The following AGBL4 variants were observed in gnomAD, a reference collection of about 807,000 sequenced individuals.
The protein encoded by AGBL4 is AGBL carboxypeptidase 4.
A neutral mutation model predicts 66.4 loss-of-function variants in AGBL4; 58 were observed. The observed-to-expected ratio is 0.87, with a 90% CI of 0.71 to 1.09. The LOEUF is 1.09. Among genes scored for constraint, AGBL4 ranks in the 50% least tolerant of loss-of-function variants. The pLI is 0.00. For missense variants in AGBL4, 579 were observed against 631.0 expected (o/e 0.92, Z 0.88); for synonymous variants, 234 against 222.9 (o/e 1.05, Z -0.44).
At chr1:49,920,636 C>G (rs11205663) in intron 1 of AGBL4, among the ~76,000 whole-genome samples, 3,190 of 152,102 alleles carry the variant, frequency 0.021, 119 homozygotes, top group African/African-American at 0.071. Flanking sequence ...CTTTTACACT[C>G]TTGGTGGGAC....
At chr1:48,670,679 G>A (rs1294901112) in intron 6 of AGBL4, among the ~76,000 whole-genome samples, 1 of 152,204 alleles carries the variant, frequency 6.6e-6, no homozygotes, top group Non-Finnish European at 1.5e-5. Flanking sequence ...GCCTTCCAGG[G>A]CAGGCTAATG....
At chr1:49,461,718 T>A (rs1321847450) in intron 3 of AGBL4, among the ~76,000 whole-genome samples, 1 of 147,644 alleles carries the variant, frequency 6.8e-6, no homozygotes, top group Non-Finnish European at 1.5e-5. Context: ...GAACATGCGG[T>A]GTTTGGTTTT....
chr1:49,658,243 A>G (rs1183707032), intron 3 of AGBL4, among the ~76,000 whole-genome samples: 1 of 152,234 alleles, frequency 6.6e-6, no homozygotes, highest in Non-Finnish European at 1.5e-5. Flanking sequence ...TGCAGCCAAC[A>G]GACACATGAA....
intron 6 of AGBL4, among the ~76,000 whole-genome samples, chr1:48,848,562 A>G (rs781682255): frequency 7.2e-5 from 11 of 152,230 alleles, no homozygotes; most frequent in Non-Finnish European, 1.2e-4. Context: ...GATCTCTATA[A>G]TACAACATTT....
Position 48,994,735 on chromosome 1 carries a change from T to C in AGBL4, c.594+50849A>G, listed in dbSNP as rs191729491. ...ACTTTTTATGAACTCATAAATCAAA[T>C]TCTATTTATAGCATATGGTTTATAT... On this transcript the variant is annotated intron_variant, in intron 5 of 13. Transcript: ENST00000371839. Among the ~76,000 whole-genome samples, 174 of 152,310 alleles carry C rather than the reference T, an allele frequency of 1.1e-3. 1 individual carries two copies. Among genetic ancestry groups the C allele is most frequent in the African/African-American group, 4.0e-3 (167 of 41,552 alleles).
intron 1 of AGBL4, among the ~76,000 whole-genome samples, chr1:50,016,018 A>G (rs1661951899): frequency 6.6e-6 from 1 of 152,254 alleles, no homozygotes; most frequent in Admixed American, 6.5e-5. Flanking sequence ...CTAAAACTGT[A>G]AAAACCCTAA....
In AGBL4 at chr1:49,967,966, A is replaced by G. The variant is rs372242742; in HGVS notation, c.34+55797T>C. On this transcript the variant is annotated intron_variant, in intron 1 of 13. Coordinates refer to ENST00000371839, the MANE Select transcript of AGBL4 (RefSeq NM_032785.4). ...GGGCCGGGCATGGTGGCTCACGCCT[A>G]TAATTCCAGCACTTTGGGAGACTGA... Among the ~76,000 whole-genome samples the G allele has an allele frequency of 3.4e-4, 51 of 152,190 alleles. 1 individual carries two copies. In the South Asian group the frequency reaches 9.3e-3, roughly 28 times the overall value.
At chr1:49,095,822 A>G in intron 4 of AGBL4, among the ~76,000 whole-genome samples, 1 of 149,952 alleles carries the variant, frequency 6.7e-6, no homozygotes, top group Non-Finnish European at 1.5e-5. Context: ...TGGCAACAAA[A>G]GCCAAAATTG....
intron 6 of AGBL4, among the ~76,000 whole-genome samples, chr1:48,824,515 G>C (rs1261223621): frequency 6.6e-6 from 1 of 152,180 alleles, no homozygotes; most frequent in Non-Finnish European, 1.5e-5. Flanking sequence ...TGTAAGACTG[G>C]AGAGGCAGAC....
chr1:48,635,955 C>T (rs1645661730), intron 8 of AGBL4, among the ~76,000 whole-genome samples: 1 of 152,214 alleles, frequency 6.6e-6, no homozygotes, highest in Non-Finnish European at 1.5e-5. Flanking sequence ...TTGTAACTAA[C>T]ATTGTAATAG....
chr1:49,621,150 G>T (rs190640852), intron 3 of AGBL4, among the ~76,000 whole-genome samples: 1 of 152,204 alleles, frequency 6.6e-6, no homozygotes, highest in Non-Finnish European at 1.5e-5. Context: ...CCTTTGTGCC[G>T]TAAAGAAATA....
intron 6 of AGBL4, among the ~76,000 whole-genome samples, chr1:48,699,551 G>C (rs75001207): frequency 0.12 from 17,742 of 152,178 alleles, 1,312 homozygotes; most frequent in East Asian, 0.16. Context: ...TACATGGCAA[G>C]ACAAAGGTGC....
chr1:49,948,087 T>C (rs1449997338), intron 1 of AGBL4, among the ~76,000 whole-genome samples: 1 of 86,318 alleles, frequency 1.2e-5, no homozygotes, highest in South Asian at 4.3e-4. Flanking sequence ...TATATGTAAA[T>C]ATATGTATAT....
chr1:49,068,724 A>G (rs755045848), intron 4 of AGBL4, among the ~76,000 whole-genome samples: 1 of 152,212 alleles, frequency 6.6e-6, no homozygotes, highest in Non-Finnish European at 1.5e-5. Flanking sequence ...AGAATGATTT[A>G]TAATCCTTTG....
chr1:48,918,525 T>C (rs886714606), intron 5 of AGBL4, among the ~76,000 whole-genome samples: 2 of 152,048 alleles, frequency 1.3e-5, no homozygotes, highest in African/African-American at 4.8e-5. Context: ...AGCAGGGCCT[T>C]TGGGAGGTAA....
At chr1:49,337,090 G>A (rs1645452406) in intron 3 of AGBL4, among the ~76,000 whole-genome samples, 1 of 152,102 alleles carries the variant, frequency 6.6e-6, no homozygotes, top group Non-Finnish European at 1.5e-5. Flanking sequence ...CAGTGTCTTG[G>A]ATCTTCATCT....
intron 3 of AGBL4, among the ~76,000 whole-genome samples, chr1:49,672,137 T>C (rs546671742): frequency 2.0e-4 from 30 of 152,252 alleles, no homozygotes; most frequent in African/African-American, 6.5e-4. Context: ...ATATATACCA[T>C]GGAATATTAT....
intron 6 of AGBL4, among the ~76,000 whole-genome samples, chr1:48,752,567 A>G (rs1352359221): frequency 6.6e-6 from 1 of 152,172 alleles, no homozygotes; most frequent in Non-Finnish European, 1.5e-5. Context: ...TTGACCAAAG[A>G]TTAAGACATC....
chr1:48,531,534 T>C (rs928277965), downstream of AGBL4, among the ~76,000 whole-genome samples: 6 of 152,154 alleles, frequency 3.9e-5, no homozygotes, highest in African/African-American at 1.2e-4. Context: ...AAGGAACCCA[T>C]CCAGTGGTTG....
Sources: gnomAD v4.1 joint callset for allele counts (sites outside exome capture counted in the v4.1 genomes callset) on GRCh38, gnomAD v4.1.1 for gene constraint, MANE v1.5 for transcripts, NCBI Gene and HGNC (gene_info 2026-07-23, HGNC 2026-07-21) for gene names.